Variants in MYO3B observed in about 807,000 individuals in gnomAD.
The protein encoded by MYO3B is myosin-IIIb.
In MYO3B, 156 loss-of-function variants were observed where a neutral mutation model predicts 174.6. The ratio of observed to expected loss-of-function variants is 0.89; its 90% CI spans 0.78 to 1.02. MYO3B has a LOEUF of 1.02. Among genes scored for constraint, MYO3B ranks in the 50% least tolerant of loss-of-function variants. The pLI is 0.00. For missense variants in MYO3B, 1,632 were observed against 1,639.4 expected (o/e 1.00, Z 0.08); for synonymous variants, 563 against 569.1 (o/e 0.99, Z 0.15).
intron 6 of MYO3B, among the ~76,000 whole-genome samples, chr2:170,218,616 A>G (rs2092857230): frequency 6.6e-6 from 1 of 152,180 alleles, no homozygotes; most frequent in Non-Finnish European, 1.5e-5. Context: ...TTCTCCTACT[A>G]CTTTATTCCA....
Position 170,649,570 on chromosome 2 carries a change from T to C in MYO3B, c.3734-2058T>C, listed in dbSNP as rs146642894. On this transcript the variant is annotated intron_variant, in intron 32 of 34. Coordinates refer to ENST00000408978, the MANE Select transcript of MYO3B (RefSeq NM_138995.5). ...AGCTGGGCACGGTGGCTCATGCCTG[T>C]AATCCCAGCACTTTAGGAGGCCGAG... Among the ~76,000 whole-genome samples, 669 of 149,626 alleles carry C rather than the reference T, an allele frequency of 4.5e-3. 5 individuals carry two copies. Among genetic ancestry groups the C allele is most frequent in the African/African-American group, 0.015 (630 of 40,772 alleles).
chr2:170,311,734 T>C (rs1166500794), intron 7 of MYO3B, among the ~76,000 whole-genome samples: 6 of 152,080 alleles, frequency 3.9e-5, no homozygotes, highest in Admixed American at 2.0e-4. Flanking sequence ...AGTTTTATGG[T>C]TTTATTTCTT....
chr2:170,184,688 C>A (rs1160285551), intron 1 of MYO3B, among the ~76,000 whole-genome samples: 3 of 152,046 alleles, frequency 2.0e-5, no homozygotes, highest in African/African-American at 7.2e-5. Flanking sequence ...ATAACATTTC[C>A]TTTGGGGTGT....
intron 32 of MYO3B, among the ~76,000 whole-genome samples, chr2:170,629,655 G>T (rs899456376): frequency 1.3e-5 from 2 of 152,124 alleles, no homozygotes; most frequent in African/African-American, 4.8e-5. Flanking sequence ...TTCAAGACCA[G>T]CCTGGGCAAC....
At chr2:170,202,483 C>T (rs748567139) in intron 3 of MYO3B, among the ~76,000 whole-genome samples, 1 of 152,144 alleles carries the variant, frequency 6.6e-6, no homozygotes, top group Non-Finnish European at 1.5e-5. Flanking sequence ...CTCTTCAGTC[C>T]CCTAGCCTTC....
intron 7 of MYO3B, among the ~76,000 whole-genome samples, chr2:170,294,601 G>A (rs1189780911): frequency 1.3e-5 from 2 of 152,022 alleles, no homozygotes; most frequent in Non-Finnish European, 2.9e-5. Flanking sequence ...TGCTTGGAAG[G>A]AATGTGTACC....
chr2:170,568,109 G>A (rs915139999), intron 32 of MYO3B, among the ~76,000 whole-genome samples: 5 of 152,228 alleles, frequency 3.3e-5, no homozygotes, highest in Admixed American at 1.3e-4. Context: ...AGACCAGACC[G>A]TACAAATATT....
chr2:170,251,059 G>A (rs894272016), intron 7 of MYO3B, among the ~76,000 whole-genome samples: 3 of 151,974 alleles, frequency 2.0e-5, no homozygotes, highest in Non-Finnish European at 2.9e-5. Context: ...ACGGGTATTC[G>A]GGCTTGAGGG....
At chr2:170,499,118 T>C (rs1337641030) in intron 26 of MYO3B, among the ~76,000 whole-genome samples, 1 of 152,236 alleles carries the variant, frequency 6.6e-6, no homozygotes, top group Non-Finnish European at 1.5e-5. Flanking sequence ...CTGTAGCTTT[T>C]CATTTGGGAG....
At chr2:170,519,703 G>A in intron 30 of MYO3B, 163 bp downstream of exon 30, 1 of 590,060 alleles carries the variant, frequency 1.7e-6, no homozygotes, top group Non-Finnish European at 3.0e-6. Context: ...TGGGCGTGGT[G>A]GCTCATGCCT....
intron 23 of MYO3B, among the ~76,000 whole-genome samples, chr2:170,459,618 G>A (rs914331554): frequency 5.9e-5 from 9 of 152,126 alleles, no homozygotes; most frequent in Non-Finnish European, 1.0e-4. Context: ...CAGTCCCGGC[G>A]CCACACTCCT....
intron 8 of MYO3B, among the ~76,000 whole-genome samples, chr2:170,353,070 A>T (rs917555917): frequency 2.6e-5 from 4 of 152,262 alleles, no homozygotes; most frequent in African/African-American, 9.6e-5. Flanking sequence ...TACCTAAAGG[A>T]ATTGAAAACT....
chr2:170,418,395 T>C (rs1217337662), intron 22 of MYO3B, among the ~76,000 whole-genome samples: 1 of 152,234 alleles, frequency 6.6e-6, no homozygotes, highest in Non-Finnish European at 1.5e-5. Context: ...ATATCATCGC[T>C]ACTAAATTTT....
intron 1 of MYO3B, among the ~76,000 whole-genome samples, chr2:170,182,007 ATTTT>A (rs2092406140): frequency 1.3e-5 from 2 of 152,040 alleles, no homozygotes; most frequent in Non-Finnish European, 2.9e-5. Context: ...ATACATTTAA[ATTTT>A]TTGAGTCTTT....
chr2:170,456,727 ATGTTATT>A (rs1230573025), intron 23 of MYO3B, among the ~76,000 whole-genome samples: 4 of 152,242 alleles, frequency 2.6e-5, no homozygotes, highest in Admixed American at 2.0e-4. Context: ...AGGAGAACTA[ATGTTATT>A]TGTTATATGT....
chr2:170,230,969 AT>A (rs2093009432), intron 6 of MYO3B, among the ~76,000 whole-genome samples: 1 of 152,350 alleles, frequency 6.6e-6, no homozygotes, highest in African/African-American at 2.4e-5. Context: ...ATTTTCTAGC[AT>A]TAGTCAGAGG....
chr2:170,406,633 C>T (rs1386582039), intron 21 of MYO3B, among the ~76,000 whole-genome samples: 17 of 152,136 alleles, frequency 1.1e-4, no homozygotes, highest in Non-Finnish European at 1.5e-5. Flanking sequence ...TCCTGTCCTC[C>T]TCTTCTCACC....
intron 25 of MYO3B, among the ~76,000 whole-genome samples, chr2:170,494,727 C>CAAAAAAAAAAAAAAAAAAAAAA (rs3066990): frequency 3.3e-5 from 3 of 92,032 alleles, no homozygotes; most frequent in Non-Finnish European, 4.1e-5. Flanking sequence ...AACTGCGTCT[C>CAAAAAAAAAAAAAAAAAAAAAA]AAAAAAAAAA....
chr2:170,268,497 T>G (rs1309511494), intron 7 of MYO3B, among the ~76,000 whole-genome samples: 1 of 152,210 alleles, frequency 6.6e-6, no homozygotes, highest in African/African-American at 2.4e-5. Flanking sequence ...ATAATATAGC[T>G]TTATGTGCAT....
Sources: gnomAD v4.1 joint callset for allele counts (sites outside exome capture counted in the v4.1 genomes callset) on GRCh38, gnomAD v4.1.1 for gene constraint, MANE v1.5 for transcripts, NCBI Gene and HGNC (gene_info 2026-07-23, HGNC 2026-07-21) for gene names.